Variants in GRM7 observed in about 807,000 individuals in gnomAD.
GRM7 encodes metabotropic glutamate receptor 7.
GRM7 carries 35 observed loss-of-function variants against 84.5 expected under a neutral mutation model. That is an observed-to-expected ratio of 0.41 (90% CI 0.32 to 0.55). The LOEUF (loss-of-function observed/expected upper bound fraction) is 0.55, where lower values mean the gene tolerates loss of function less well. Among genes scored for constraint, GRM7 ranks in the 20% least tolerant of loss-of-function variants. GRM7 has a pLI of 0.19. For synonymous variants in GRM7, 487 were observed against 455.1 expected, an observed-to-expected ratio of 1.07 and a Z score of -0.89; for missense variants, 1,003 against 1,194.6, an observed-to-expected ratio of 0.84 and a Z score of 2.36.
At chr3:7,467,507 C>T (rs747181366) in intron 7 of GRM7, among the ~76,000 whole-genome samples, 5 of 152,158 alleles carry the variant, frequency 3.3e-5, no homozygotes, top group Non-Finnish European at 4.4e-5. Context: ...ACCCGTACTA[C>T]GTCTCCCTAA....
chr3:7,347,365 A>G (rs1435811582), intron 4 of GRM7, among the ~76,000 whole-genome samples: 1 of 152,164 alleles, frequency 6.6e-6, no homozygotes, highest in Non-Finnish European at 1.5e-5. Flanking sequence ...CCAGCCATAG[A>G]TAAATCCAAC....
At chr3:7,547,494 C>T (rs560473207) in intron 7 of GRM7, among the ~76,000 whole-genome samples, 3 of 152,108 alleles carry the variant, frequency 2.0e-5, no homozygotes, top group Admixed American at 1.3e-4. Context: ...GCGTGGGCCA[C>T]CGCAAGGCCA....
intron 7 of GRM7, among the ~76,000 whole-genome samples, chr3:7,501,455 CTA>C (rs1260224944): frequency 6.6e-6 from 1 of 152,182 alleles, no homozygotes; most frequent in African/African-American, 2.4e-5. Flanking sequence ...GAGTCAGACT[CTA>C]TGCTTTGATC....
intron 2 of GRM7, among the ~76,000 whole-genome samples, chr3:7,238,094 A>G (rs777018399): frequency 1.8e-4 from 28 of 152,168 alleles, no homozygotes; most frequent in Admixed American, 1.3e-4. Context: ...GCACCATAGT[A>G]TTGAATCAAA....
intron 7 of GRM7, among the ~76,000 whole-genome samples, chr3:7,550,413 T>TCTCCCTCC (rs372182578): frequency 2.2e-5 from 3 of 138,746 alleles, no homozygotes; most frequent in African/African-American, 8.8e-5. Flanking sequence ...TTTCTCTCTC[T>TCTCCCTCC]CTCCCTCCCT....
chr3:7,164,727 A>G (rs1160151435), intron 2 of GRM7, among the ~76,000 whole-genome samples: 1 of 152,220 alleles, frequency 6.6e-6, no homozygotes, highest in Non-Finnish European at 1.5e-5. Flanking sequence ...AATAGCTGAA[A>G]AGAATCAGAT....
intron 1 of GRM7, among the ~76,000 whole-genome samples, chr3:6,864,167 G>T (rs1469225595): frequency 6.6e-6 from 1 of 152,118 alleles, no homozygotes; most frequent in Non-Finnish European, 1.5e-5. Context: ...TATTCATGTT[G>T]GATTGAATAG....
At chr3:7,729,520 A>G (rs1702237864) in intron 9 of GRM7, among the ~76,000 whole-genome samples, 1 of 152,176 alleles carries the variant, frequency 6.6e-6, no homozygotes, top group Non-Finnish European at 1.5e-5. Flanking sequence ...TGAGTCAACA[A>G]TATGTAATAA....
At chr3:6,927,046 T>TC (rs1364329348) in intron 1 of GRM7, among the ~76,000 whole-genome samples, 1 of 152,216 alleles carries the variant, frequency 6.6e-6, no homozygotes, top group East Asian at 1.9e-4. Context: ...TTGACCACTG[T>TC]ATATGTAGAC....
chr3:7,214,114 CAAA>C (rs34038958), intron 2 of GRM7, among the ~76,000 whole-genome samples: 5 of 126,592 alleles, frequency 3.9e-5, no homozygotes, highest in Admixed American at 8.5e-5. Context: ...ACTAATCAGC[CAAA>C]AAAAAAAAAA....
At chr3:7,553,673 C>T (rs1048034792) in intron 7 of GRM7, among the ~76,000 whole-genome samples, 2 of 152,098 alleles carry the variant, frequency 1.3e-5, no homozygotes, top group African/African-American at 4.8e-5. Context: ...GGAGAAAAGC[C>T]TCCTATAAAA....
At chr3:7,162,605 A>C (rs796133035) in intron 2 of GRM7, among the ~76,000 whole-genome samples, 67 of 152,202 alleles carry the variant, frequency 4.4e-4, no homozygotes, top group African/African-American at 3.4e-4. Flanking sequence ...TAGACAATTT[A>C]ATAGGAGAAT....
At chr3:7,636,444 C>T in intron 8 of GRM7, 9 of 356,756 alleles carry the variant, frequency 2.5e-5, no homozygotes, top group South Asian at 2.0e-4. Context: ...GTTACAAGAA[C>T]ATCGGTTGAG....
chr3:7,272,737 C>CT (rs1008001904), intron 2 of GRM7, among the ~76,000 whole-genome samples: 2 of 150,356 alleles, frequency 1.3e-5, no homozygotes, highest in Non-Finnish European at 3.0e-5. Flanking sequence ...TGTTCTTTGT[C>CT]TTTTTTTTTC....
At position 7,222,975 on chromosome 3, in the gene GRM7, A is replaced by G. The variant is rs574417301; in HGVS notation, c.737-75709A>G. Among the ~76,000 whole-genome samples the G allele has an allele frequency of 3.3e-5, 5 of 152,096 alleles. No individual in the cohort carries two copies. The South Asian group carries it at 6.2e-4, about 19-fold the overall frequency. ...TGGATAGTGAGTTTTGAAATTATAC[A>G]TTTTCTTTCTCATATTTTGATTCAT... On this transcript the variant is annotated intron_variant, in intron 2 of 9. Transcript: ENST00000357716.
chr3:7,203,049 A>G (rs933520425), intron 2 of GRM7, among the ~76,000 whole-genome samples: 2 of 152,218 alleles, frequency 1.3e-5, no homozygotes, highest in Non-Finnish European at 2.9e-5. Flanking sequence ...CGTCATTTCT[A>G]TGTGTTGGTA....
rs553132026 is a variant in GRM7, at chr3:7,430,617, G to T, written c.1174+15454G>T. Among the ~76,000 whole-genome samples the T allele has an allele frequency of 1.9e-4, 29 of 152,312 alleles. No homozygotes were observed. The South Asian group carries it at 6.0e-3, about 32-fold the overall frequency. On this transcript the variant is annotated intron_variant, in intron 5 of 9. Transcript: ENST00000357716. ...TCTACTCCTAAGCATTTATCCAAGA[G>T]AAATGAAAACATATGTCTACAAAAC...
At chr3:7,351,809 C>T (rs1575206286) in intron 4 of GRM7, among the ~76,000 whole-genome samples, 1 of 151,870 alleles carries the variant, frequency 6.6e-6, no homozygotes, top group South Asian at 2.1e-4. Context: ...CACCAGCAGA[C>T]TCCCAGGGGC....
intron 6 of GRM7, among the ~76,000 whole-genome samples, chr3:7,459,749 T>C (rs1698163854): frequency 6.6e-6 from 1 of 152,014 alleles, no homozygotes; most frequent in African/African-American, 2.4e-5. Flanking sequence ...AGATGAGATT[T>C]GAGTGGGGAA....
Sources: gnomAD v4.1 joint callset for allele counts (sites outside exome capture counted in the v4.1 genomes callset) on GRCh38, gnomAD v4.1.1 for gene constraint, MANE v1.5 for transcripts, NCBI Gene and HGNC (gene_info 2026-07-23, HGNC 2026-07-21) for gene names.